Variants in RYR2 observed in about 807,000 individuals in gnomAD.
The protein encoded by RYR2 is cardiac muscle ryanodine receptor-calcium release channel.
Under a neutral mutation model 601.1 loss-of-function variants are expected in RYR2, and 227 were observed. That is an observed-to-expected ratio of 0.38 (90% confidence interval 0.34 to 0.42). RYR2 has a LOEUF of 0.42. Among genes scored for constraint, RYR2 ranks in the 10% least tolerant of loss-of-function variants. The pLI is 1.00. For missense variants in RYR2, 4,646 were observed against 6,156.5 expected (o/e 0.75, Z 8.21); for synonymous variants, 2,223 against 2,175.1 (o/e 1.02, Z -0.61).
chr1:237,049,202 G>A (rs577771606), intron 1 of RYR2, among the ~76,000 whole-genome samples: 17 of 152,290 alleles, frequency 1.1e-4, no homozygotes, highest in Middle Eastern at 6.8e-3. Flanking sequence ...ATAAATTAAG[G>A]ATTAATTGAG....
intron 1 of RYR2, among the ~76,000 whole-genome samples, chr1:237,071,276 T>A (rs1664283472): frequency 6.6e-6 from 1 of 151,008 alleles, no homozygotes; most frequent in African/African-American, 2.4e-5. Context: ...CAGGCTGGAG[T>A]GCAATGGTGC....
chr1:237,223,197 G>A (rs1684007724), intron 1 of RYR2, among the ~76,000 whole-genome samples: 1 of 152,192 alleles, frequency 6.6e-6, no homozygotes, highest in African/African-American at 2.4e-5. Context: ...CAAATGGAAA[G>A]AACATATATT....
chr1:237,241,270 A>G (rs581693), intron 1 of RYR2, among the ~76,000 whole-genome samples: 34,183 of 152,224 alleles, frequency 0.22, 4,317 homozygotes, highest in East Asian at 0.34. Flanking sequence ...TCCTTAGGTT[A>G]AACATGTTGA....
In RYR2 at chr1:237,702,045, T is replaced by C. The variant is rs774657844; in HGVS notation, c.9435T>C (p.Ser3145=). The change falls in exon 66 of 105, where the codon AGT becomes AGC. Residue 3145 remains serine, a synonymous_variant. Transcript: ENST00000366574. ...TSLYALGTSK[S]IYVERQRSAL... ...TATATGCTTTGGGAACCAGCAAGAG[T>C]ATTTACGTGGAGAGGTAAGAATGTT... 24 of 1,592,370 alleles carry C rather than the reference T, an allele frequency of 1.5e-5. No individual in the cohort carries two copies. Among genetic ancestry groups the C allele is most frequent in the Non-Finnish European group, 3.4e-6 (4 of 1,160,754 alleles).
rs373103377 is a variant in RYR2, at chr1:237,708,968, G to A, written c.10012G>A (p.Asp3338Asn). The change falls in exon 69 of 105, where the codon GAC becomes AAC. Residue 3338 changes from aspartate to asparagine, a missense_variant. Asp to Asn is a conservative substitution (Grantham distance 23). Coordinates refer to ENST00000366574, the MANE Select transcript of RYR2 (RefSeq NM_001035.3). ...KKAATVVSEE[D>N]HLKAEARGDM... ...GGCAGCTACGGTGGTGTCTGAGGAA[G>A]ACCACCTGAAAGCTGAGGCCAGGGG... is the stretch of plus-strand genomic sequence containing the variant. 6.2e-7 allele frequency: 1 copy of A among 1,613,470 alleles called. No individual in the cohort carries two copies. Among genetic ancestry groups the A allele is most frequent in the Non-Finnish European group, 8.5e-7 (1 of 1,179,672 alleles).
chr1:237,807,572 G>A (rs941681960), intron 99 of RYR2, among the ~76,000 whole-genome samples: 4 of 152,028 alleles, frequency 2.6e-5, no homozygotes, highest in Non-Finnish European at 4.4e-5. Context: ...GGCTGGTCTC[G>A]AACTTCTGAC....
chr1:237,797,272 T>C (rs1659367544), intron 96 of RYR2, among the ~76,000 whole-genome samples: 1 of 151,780 alleles, frequency 6.6e-6, no homozygotes, highest in South Asian at 2.1e-4. Flanking sequence ...GCAAGGAAGC[T>C]GAAGGGGATT....
In RYR2 at chr1:237,651,497, T is replaced by A; in HGVS notation, c.7820T>A (p.Leu2607His). ...TTAAATGAACACGCAAAGATGCCTCTTAAAGTAAGTATAGGAAATGTTTGT... is the reference window on the plus strand; with the variant it reads ...TTAAATGAACACGCAAAGATGCCTCATAAAGTAAGTATAGGAAATGTTTGT... ...PLLNEHAKMP[L>H]KLLTNHYERC... Residue 2607 changes from leucine (L) to histidine (H), a missense_variant, in exon 51 of 105, where the codon CTT becomes CAT. Physicochemically the swap from Leu to His is moderately conservative, Grantham distance 99. Around this residue, in one of 17 missense-constraint regions of RYR2, gnomAD observed 1,497 missense variants for 1,842.6 expected, o/e 0.81. Coordinates refer to ENST00000366574, the MANE Select transcript of RYR2 (RefSeq NM_001035.3). 1 of 1,537,994 alleles carries A rather than the reference T, an allele frequency of 6.5e-7. No homozygotes were observed. The highest frequency in any genetic ancestry group is 8.9e-7 in the Non-Finnish European group (1 of 1,127,060).
intron 17 of RYR2, among the ~76,000 whole-genome samples, chr1:237,481,763 A>T (rs1662117405): frequency 6.7e-6 from 1 of 148,944 alleles, no homozygotes; most frequent in African/African-American, 2.5e-5. Context: ...CTGCTTTTAC[A>T]CATAACTCAG....
chr1:237,564,457 A>G (rs1158949573), intron 27 of RYR2, among the ~76,000 whole-genome samples: 1 of 152,040 alleles, frequency 6.6e-6, no homozygotes, highest in Admixed American at 6.6e-5. Context: ...TTTTGTAGAG[A>G]TGGGATTTCA....
At chr1:237,721,246 A>G (rs1689694093) in intron 73 of RYR2, among the ~76,000 whole-genome samples, 1 of 151,678 alleles carries the variant, frequency 6.6e-6, no homozygotes, top group Admixed American at 6.6e-5. Context: ...AGTATCAAAC[A>G]TAGTCCTCAG....
At chr1:237,087,942 G>T (rs1233302852) in intron 1 of RYR2, among the ~76,000 whole-genome samples, 3 of 152,142 alleles carry the variant, frequency 2.0e-5, no homozygotes, top group Admixed American at 2.0e-4. Flanking sequence ...GTGCATGCTG[G>T]GTTAAGTCAT....
At chr1:237,729,142 T>G (rs2149153516) in intron 76 of RYR2, among the ~76,000 whole-genome samples, 1 of 152,266 alleles carries the variant, frequency 6.6e-6, no homozygotes, top group Admixed American at 6.5e-5. Context: ...GTTTCTGAGT[T>G]AGTTTCTGTG....
intron 87 of RYR2, among the ~76,000 whole-genome samples, chr1:237,777,366 G>A (rs763816195): frequency 3.3e-5 from 5 of 152,112 alleles, no homozygotes; most frequent in Non-Finnish European, 7.4e-5. Flanking sequence ...GCTGAGACAG[G>A]AAAAAGTTCT....
At chr1:237,429,697 A>T (rs960827012) in intron 12 of RYR2, among the ~76,000 whole-genome samples, 6 of 152,208 alleles carry the variant, frequency 3.9e-5, no homozygotes, top group African/African-American at 1.4e-4. Context: ...GGAAATGGAA[A>T]TGCAAAAAGG....
rs747650070 is a variant in RYR2, at chr1:237,733,769, C to G, written c.11091+13C>G. The G allele has an allele frequency of 2.6e-6, 4 of 1,545,596 alleles. No homozygotes were observed. The highest frequency in any genetic ancestry group is 2.7e-5 in the African/African-American group (2 of 73,482). ...TATTATGGCAAAGGTAAATAAGTATCCTTCCTGATTTTCATGTTTAATTTT... is the reference window on the plus strand; with the variant it reads ...TATTATGGCAAAGGTAAATAAGTATGCTTCCTGATTTTCATGTTTAATTTT... On this transcript the variant is annotated intron_variant, in intron 79 of 104. Coordinates refer to ENST00000366574, the MANE Select transcript of RYR2 (RefSeq NM_001035.3).
intron 8 of RYR2, among the ~76,000 whole-genome samples, chr1:237,384,648 C>T (rs1309818323): frequency 6.6e-6 from 1 of 152,204 alleles, no homozygotes; most frequent in African/African-American, 2.4e-5. Context: ...ATTCACATTA[C>T]TAATCTACAT....
Position 237,730,348 on chromosome 1 carries a change from G to T in RYR2, c.10927G>T (p.Asp3643Tyr). 1 of 1,557,522 alleles carries T rather than the reference G, an allele frequency of 6.4e-7. No homozygotes were observed. The highest frequency in any genetic ancestry group is 8.9e-7 in the Non-Finnish European group (1 of 1,128,728). Residue 3643 changes from aspartate (D) to tyrosine (Y), a missense_variant, in exon 77 of 105, where the codon GAT becomes TAT. Transcript: ENST00000366574. ...EHYFEDKLIEDLAKPGAEPPE... is the reference protein window; with the variant it reads ...EHYFEDKLIEYLAKPGAEPPE... ...TTACTTTGAAGATAAACTGATAGAA[G>T]ATTTAGCAGTATGTTTTTAGTGGGG...
rs114048275 is a variant in RYR2 at position 237,108,309 on chromosome 1, C to T, written c.48+65740C>T. 7.4e-3 allele frequency among the ~76,000 whole-genome samples: 1,125 copies of T among 152,226 alleles called. 15 individuals are homozygous for T. Among genetic ancestry groups the T allele is most frequent in the African/African-American group, 0.026 (1,079 of 41,534 alleles). On this transcript the variant is annotated intron_variant, in intron 1 of 104. Coordinates refer to ENST00000366574, the MANE Select transcript of RYR2 (RefSeq NM_001035.3). Reference sequence around the variant, plus strand: ...AGTATATGATACTCCCCTTTCCTGCCCAGCTTCTGAATGAATTGAGACAAA... The same window carrying T: ...AGTATATGATACTCCCCTTTCCTGCTCAGCTTCTGAATGAATTGAGACAAA...
Sources: gnomAD v4.1 joint callset for allele counts (sites outside exome capture counted in the v4.1 genomes callset) on GRCh38, gnomAD v4.1.1 for gene constraint, gnomAD v4.1.1 regional missense constraint, MANE v1.5 for transcripts, NCBI Gene and HGNC (gene_info 2026-07-23, HGNC 2026-07-21) for gene names.